The following GLMN variants were observed in gnomAD, a reference collection of about 807,000 sequenced individuals.
GLMN encodes glomulin.
A neutral mutation model predicts 87.8 loss-of-function variants in GLMN; 75 were observed. The ratio of observed to expected loss-of-function variants is 0.85; its 90% confidence interval spans 0.71 to 1.04. The LOEUF is 1.04. GLMN is among the 50% of genes least tolerant of loss of function. The probability of loss-of-function intolerance (pLI) is 0.00; values close to 1 mark genes in which losing one functional copy is unlikely to be tolerated. For synonymous variants in GLMN, 206 were observed against 221.6 expected, an observed-to-expected ratio of 0.93 and a Z score of 0.63; for missense variants, 588 against 658.8, an observed-to-expected ratio of 0.89 and a Z score of 1.18.
chr1:92,301,675 A>G, upstream of GLMN: 1 of 524,998 alleles, frequency 1.9e-6, no homozygotes, highest in Non-Finnish European at 3.3e-6. Flanking sequence ...CATTATTAGA[A>G]TCTTTGAATT....
chr1:92,358,377 C>T, the GLMN span, among the ~76,000 whole-genome samples: 2 of 152,140 alleles, frequency 1.3e-5, no homozygotes, highest in South Asian at 4.1e-4. Context: ...TCCTCTTCAT[C>T]TTTCAGAACT....
intron 16 of GLMN, among the ~76,000 whole-genome samples, chr1:92,260,364 C>T (rs1225952318): frequency 6.6e-6 from 1 of 151,976 alleles, no homozygotes; most frequent in African/African-American, 2.4e-5. Context: ...ACCTGTAATC[C>T]CAGCACTTTG....
At chr1:92,252,599 C>T (rs1653665909) in intron 16 of GLMN, among the ~76,000 whole-genome samples, 1 of 152,090 alleles carries the variant, frequency 6.6e-6, no homozygotes, top group South Asian at 2.1e-4. Flanking sequence ...CAGCATAATT[C>T]CACAAATTTT....
At chr1:92,367,574 G>C in the GLMN span, among the ~76,000 whole-genome samples, 2 of 152,198 alleles carry the variant, frequency 1.3e-5, no homozygotes, top group African/African-American at 4.8e-5. Context: ...TCTTTTAGCA[G>C]TCTTTACATC....
In GLMN at chr1:92,298,987, T is replaced by G; in HGVS notation, c.-93A>C. ...CCTCCGGCGTCTTAGCCCGCTCTTC[T>G]GGCCCCGCCCCGCGCTACGCGTAGG... On this transcript the variant is annotated 5_prime_UTR_variant, in exon 1 of 19. Coordinates refer to ENST00000370360, the MANE Select transcript of GLMN (RefSeq NM_053274.3). The G allele has an allele frequency of 1.6e-6, 1 of 616,922 alleles. No homozygotes were observed. The highest frequency in any genetic ancestry group is 1.9e-5 in the African/African-American group (1 of 51,834). The allele number at this position is 616,922 out of a possible 1,614,324, so 38.2% of individuals were successfully genotyped here.
At chr1:92,333,462 G>T in the GLMN span, 4 of 1,611,524 alleles carry the variant, frequency 2.5e-6, no homozygotes, top group Non-Finnish European at 3.4e-6. Context: ...TACTTGAAAA[G>T]TTGAGTAAAG....
intron 5 of GLMN, among the ~76,000 whole-genome samples, 198 bp downstream of exon 5, chr1:92,289,999 CT>C (rs1557565334): frequency 6.6e-6 from 1 of 152,212 alleles, no homozygotes; most frequent in African/African-American, 2.4e-5. Context: ...AGAATATTTA[CT>C]GGGTACCCAC....
chr1:92,330,597 G>A, the GLMN span, among the ~76,000 whole-genome samples: 2 of 151,452 alleles, frequency 1.3e-5, no homozygotes, highest in Admixed American at 6.6e-5. Context: ...ACAGGCACCC[G>A]TGCCATGCCT....
chr1:92,280,668 C>T (rs1469462546), intron 7 of GLMN, among the ~76,000 whole-genome samples: 1 of 152,014 alleles, frequency 6.6e-6, no homozygotes, highest in Admixed American at 6.6e-5. Context: ...ACAAACTTCT[C>T]CGAGCTAAAG....
chr1:92,308,262 G>A, the GLMN span, among the ~76,000 whole-genome samples: 1 of 152,142 alleles, frequency 6.6e-6, no homozygotes, highest in Non-Finnish European at 1.5e-5. Context: ...CTTGATAATT[G>A]AGTTAAACAT....
intron 3 of GLMN, among the ~76,000 whole-genome samples, chr1:92,292,665 C>T (rs898323043): frequency 4.2e-4 from 63 of 148,318 alleles, no homozygotes; most frequent in African/African-American, 1.3e-3. Flanking sequence ...CCTCGTGATC[C>T]GCCCACCTCA....
chr1:92,254,853 T>G (rs982761708), intron 16 of GLMN, among the ~76,000 whole-genome samples: 4 of 152,164 alleles, frequency 2.6e-5, no homozygotes, highest in African/African-American at 9.7e-5. Flanking sequence ...ACTGCATAAC[T>G]AATTGGCAAA....
chr1:92,256,656 C>T (rs1654302981), intron 16 of GLMN, among the ~76,000 whole-genome samples: 1 of 152,166 alleles, frequency 6.6e-6, no homozygotes, highest in Non-Finnish European at 1.5e-5. Context: ...ACAAAAACCA[C>T]ATGATTATCT....
chr1:92,311,733 A>G, the GLMN span, among the ~76,000 whole-genome samples: 1 of 152,244 alleles, frequency 6.6e-6, no homozygotes, highest in Admixed American at 6.5e-5. Context: ...CTAAAGCAAT[A>G]AAGCAATCAT....
the GLMN span, among the ~76,000 whole-genome samples, chr1:92,321,004 G>C: frequency 2.6e-5 from 4 of 152,294 alleles, no homozygotes; most frequent in East Asian, 7.7e-4. Flanking sequence ...TAATGTACCA[G>C]TTACTTAATT....
the GLMN span, among the ~76,000 whole-genome samples, chr1:92,331,804 T>G: frequency 4.6e-5 from 7 of 152,182 alleles, no homozygotes; most frequent in East Asian, 1.9e-4. Flanking sequence ...GCCTGAAGAA[T>G]ATACTTCTCT....
At chr1:92,359,907 G>A in the GLMN span, among the ~76,000 whole-genome samples, 4 of 152,168 alleles carry the variant, frequency 2.6e-5, no homozygotes, top group African/African-American at 9.7e-5. Flanking sequence ...GCAGAAAAGG[G>A]GAGGGAGGGG....
upstream of GLMN, chr1:92,301,363 A>G: frequency 2.5e-6 from 1 of 407,608 alleles, no homozygotes. Context: ...AATTTTTTAA[A>G]TATATTTAAA....
chr1:92,258,758 C>T (rs533087409), intron 16 of GLMN, among the ~76,000 whole-genome samples: 6 of 151,916 alleles, frequency 3.9e-5, no homozygotes, highest in East Asian at 3.9e-4. Flanking sequence ...TGTCAGGGTT[C>T]GGGGGCTAGG....
Sources: allele counts gnomAD v4.1 joint callset (sites outside exome capture counted in the v4.1 genomes callset), GRCh38; gene constraint gnomAD v4.1.1; transcripts MANE v1.5; gene names NCBI Gene and HGNC (gene_info 2026-07-23, HGNC 2026-07-21).